Variants in PRADC1 observed in about 807,000 individuals in gnomAD.
PRADC1 encodes protease-associated domain-containing protein 1.
A neutral mutation model predicts 22.9 loss-of-function variants in PRADC1; 23 were observed. The ratio of observed to expected loss-of-function variants is 1.00; its 90% confidence interval spans 0.72 to 1.42. The LOEUF (loss-of-function observed/expected upper bound fraction) is 1.42. Among genes scored for constraint, PRADC1 ranks in the 40% most tolerant of loss-of-function variants. The probability of loss-of-function intolerance (pLI) is 0.00; values close to 1 mark genes in which losing one functional copy is unlikely to be tolerated. For synonymous variants in PRADC1, 71 were observed against 100.3 expected, an observed-to-expected ratio of 0.71 and a Z score of 1.75; for missense variants, 207 against 258.3, an observed-to-expected ratio of 0.80 and a Z score of 1.36.
chr2:73,229,681 T>G (rs766997080), intron 2 of PRADC1, 111 bp from the exon 3 acceptor site: 6 of 818,408 alleles, frequency 7.3e-6, no homozygotes, highest in African/African-American at 6.8e-5. Flanking sequence ...GAAGGAAACA[T>G]GGAGTGGTTT....
chr2:73,233,039 G>A (rs1686693732), intron 1 of PRADC1, 55 bp downstream of exon 1: 1 of 1,517,702 alleles, frequency 6.6e-7, no homozygotes, highest in South Asian at 1.2e-5. Flanking sequence ...CGAGACGCGC[G>A]CAAGCTGGAC....
Position 73,229,457 on chromosome 2 carries a change from T to TCGTGTCCTGCCTGCCCACTCC in PRADC1, c.278+3_278+4insGGAGTGGGCAGGCAGGACACG. ...TCCTCGTGTCCTGCCTGCCCACTCC[T>TCGTGTCCTGCCTGCCCACTCC]TACCCCCTCTCCACCAGAGCAATCT... On this transcript the variant is annotated splice_donor_region_variant and intron_variant, in intron 3 of 4. Transcript: ENST00000258083. The TCGTGTCCTGCCTGCCCACTCC allele has an allele frequency of 6.2e-7, 1 of 1,608,454 alleles. No individual in the cohort carries two copies. The highest frequency in any genetic ancestry group is 8.5e-7 in the Non-Finnish European group (1 of 1,174,824).
chr2:73,228,207 G>C lies in PRADC1; in HGVS notation c.*247C>G. ...CCTGCCTTCAGCTCCTTTTGTTTCGGGTTCTAGCCAGAAGCCCTGGGGCCT... is the reference window on the plus strand; with the variant it reads ...CCTGCCTTCAGCTCCTTTTGTTTCGCGTTCTAGCCAGAAGCCCTGGGGCCT... On this transcript the variant is annotated 3_prime_UTR_variant, in exon 5 of 5. Coordinates refer to ENST00000258083, the MANE Select transcript of PRADC1 (RefSeq NM_032319.3). This position sits in a 1 kb window ranked among gnomAD's most constrained non-coding sequence, Gnocchi z 4.0. 3 of 497,690 alleles carry C rather than the reference G, an allele frequency of 6.0e-6. No individual in the cohort carries two copies. Among genetic ancestry groups the C allele is most frequent in the East Asian group, 3.6e-5 (1 of 27,968 alleles). The allele number at this position is 497,690 out of a possible 1,614,324, so 30.8% of individuals were successfully genotyped here. A position where few individuals can be genotyped will look rare whatever the true frequency, so the allele number is the denominator to read the frequency against.
chr2:73,231,583 A>AT (rs1156791989), intron 1 of PRADC1, among the ~76,000 whole-genome samples: 70 of 150,594 alleles, frequency 4.6e-4, no homozygotes, highest in South Asian at 6.3e-4. Context: ...TGCCTGGCTA[A>AT]TTTTTTTTTG....
At position 73,232,782 on chromosome 2, in the gene PRADC1, C is replaced by T. The variant is rs114101558; in HGVS notation, c.67+312G>A. ...GAATGCTCACATACATATCTCCAGC[C>T]TGTAGTATCCTTCCTTAGCTGTCCC... On this transcript the variant is annotated intron_variant, in intron 1 of 4. Coordinates refer to ENST00000258083, the MANE Select transcript of PRADC1 (RefSeq NM_032319.3). 1.8e-3 allele frequency among the ~76,000 whole-genome samples: 271 copies of T among 152,322 alleles called. 2 individuals carry two copies. The highest frequency in any genetic ancestry group is 6.8e-3 in the Middle Eastern group (2 of 294).
At chr2:73,230,076 G>T in intron 2 of PRADC1, 37 bp downstream of exon 2, 1 of 1,409,482 alleles carries the variant, frequency 7.1e-7, no homozygotes. Context: ...GAAGGGGGAG[G>T]TTGAGGATCA....
chr2:73,229,633 G>T lies in PRADC1; in HGVS notation c.169-63C>A. 3.9e-6 allele frequency: 5 copies of T among 1,288,212 alleles called. No homozygotes were observed. In the Admixed American group the frequency reaches 6.8e-5, roughly 18 times the overall value. 79.8% of individuals were successfully genotyped at this position (1,288,212 alleles called of 1,614,324 possible). Reference sequence around the variant, plus strand: ...ATGAGACACACCTGCTTTAGGACTGGGCTGACAATCCCATCTTATTGGCAC... The same window carrying T: ...ATGAGACACACCTGCTTTAGGACTGTGCTGACAATCCCATCTTATTGGCAC... On this transcript the variant is annotated intron_variant, in intron 2 of 4. Transcript: ENST00000258083.
At chr2:73,231,526 C>T (rs894812698) in intron 1 of PRADC1, among the ~76,000 whole-genome samples, 1 of 152,254 alleles carries the variant, frequency 6.6e-6, no homozygotes, top group Non-Finnish European at 1.5e-5. Context: ...AAGCGATTCT[C>T]ATGCCTCAGC....
rs769320871 is a variant in PRADC1 at position 73,228,829 on chromosome 2, C to T, written c.412G>A (p.Asp138Asn). 1.1e-5 allele frequency: 17 copies of T among 1,612,916 alleles called. No individual in the cohort carries two copies. The highest frequency in any genetic ancestry group is 1.8e-4 in the Middle Eastern group (1 of 5,424). ...CCGAGCAGGAAGAGGGCGGGGATGT[C>T]AGCTGTGCGCTGGGTACTGTCCTGG... The part of the protein sequence containing the change: ...MIQDSTQRTA[D>N]IPALFLLGRD... Residue 138 changes from aspartate to asparagine, a missense_variant, in exon 4 of 5, where the codon GAC (aspartate) becomes AAC (asparagine). Asp to Asn is a conservative substitution (Grantham distance 23). Coordinates refer to ENST00000258083, the MANE Select transcript of PRADC1 (RefSeq NM_032319.3). This position sits in a 1 kb window ranked among gnomAD's most constrained non-coding sequence, Gnocchi z 4.0.
intron 1 of PRADC1, 51 bp from the exon 2 acceptor site, chr2:73,230,264 AG>A (rs1392472225): frequency 3.0e-6 from 4 of 1,354,994 alleles, no homozygotes; most frequent in Non-Finnish European, 4.2e-6. Context: ...AAGCTGGTTC[AG>A]GTTCAGATCC....
At chr2:73,229,968 T>C (rs1686604087) in intron 2 of PRADC1, 145 bp downstream of exon 2, 3 of 645,022 alleles carry the variant, frequency 4.7e-6, no homozygotes, top group South Asian at 3.7e-5. Context: ...AAGAGCTTCC[T>C]TTCTGTGCTG....
chr2:73,233,032 G>A, intron 1 of PRADC1, 62 bp downstream of exon 1: 1 of 1,515,268 alleles, frequency 6.6e-7, no homozygotes, highest in East Asian at 2.6e-5. Context: ...CCCAACCCGA[G>A]ACGCGCGCAA....
At chr2:73,229,090 A>G (rs1319953398) in intron 3 of PRADC1, 128 bp from the exon 4 acceptor site, 2 of 800,600 alleles carry the variant, frequency 2.5e-6, no homozygotes, top group Non-Finnish European at 4.0e-6. Context: ...GTAAATAGCT[A>G]AAAGCATGGA....
chr2:73,230,363 G>A (rs538793773), intron 1 of PRADC1, 150 bp from the exon 2 acceptor site: 1 of 629,706 alleles, frequency 1.6e-6, no homozygotes, highest in Non-Finnish European at 2.9e-6. Context: ...GCAGGGTTGG[G>A]GGCTAGATGG....
chr2:73,232,523 G>A (rs1250570906), intron 1 of PRADC1, among the ~76,000 whole-genome samples: 1 of 151,150 alleles, frequency 6.6e-6, no homozygotes, highest in Admixed American at 6.6e-5. Flanking sequence ...CCTGGGAGTG[G>A]GGACTCCCTC....
At chr2:73,230,848 G>A (rs1686623091) in intron 1 of PRADC1, among the ~76,000 whole-genome samples, 1 of 152,214 alleles carries the variant, frequency 6.6e-6, no homozygotes, top group Non-Finnish European at 1.5e-5. Context: ...CCTCCATCCT[G>A]TGTTCAAGCT....
At chr2:73,230,309 T>G in intron 1 of PRADC1, 96 bp from the exon 2 acceptor site, 2 of 912,718 alleles carry the variant, frequency 2.2e-6, no homozygotes, top group Non-Finnish European at 3.5e-6. Flanking sequence ...CTGGCTATAG[T>G]CTGGGCTCAG....
At position 73,228,282 on chromosome 2, in the gene PRADC1, A is replaced by T; in HGVS notation, c.*172T>A. The T allele has an allele frequency of 1.3e-6, 1 of 749,400 alleles. No homozygotes were observed. Among genetic ancestry groups the T allele is most frequent in the East Asian group, 2.8e-5 (1 of 35,802 alleles). 46.4% of individuals were successfully genotyped at this position (749,400 alleles called of 1,614,324 possible). A position where few individuals can be genotyped will look rare whatever the true frequency, so the allele number is the denominator to read the frequency against. On this transcript the variant is annotated 3_prime_UTR_variant, in exon 5 of 5. Transcript: ENST00000258083. This position sits in a 1 kb window ranked among gnomAD's most constrained non-coding sequence, Gnocchi z 4.0. The stretch of plus-strand genomic sequence containing the variant: ...GAGACACCCTTGGGGGCCCTGGGGA[A>T]GGGAAGGCCAGTGGTGTGGCTTCCC...
chr2:73,228,788 C>G lies in PRADC1; in HGVS notation c.446+7G>C. ...TGCTGATAAAGCCAGAGGCAAGGAG[C>G]CCTCACCCGTCTCGGCCGAGCAGGA... On this transcript the variant is annotated splice_region_variant and intron_variant, in intron 4 of 4. Transcript: ENST00000258083. The surrounding 1 kb of genome is among the most constrained non-coding windows in gnomAD (Gnocchi z 4.0). 1 of 1,609,874 alleles carries G rather than the reference C, an allele frequency of 6.2e-7. No homozygotes were observed. Among genetic ancestry groups the G allele is most frequent in the Non-Finnish European group, 8.5e-7 (1 of 1,177,322 alleles).
Sources: gnomAD v4.1 joint callset for allele counts (sites outside exome capture counted in the v4.1 genomes callset) on GRCh38, gnomAD v4.1.1 for gene constraint, Gnocchi (gnomAD v3.1) non-coding constraint, MANE v1.5 for transcripts, NCBI Gene and HGNC (gene_info 2026-07-23, HGNC 2026-07-21) for gene names.